Variants in AFG2A observed in about 807,000 individuals in gnomAD.
AFG2A encodes ATPase family gene 2 protein homolog A.
chr4:123,168,244 A>T, the AFG2A span, among the ~76,000 whole-genome samples: 123,477 of 151,974 alleles, frequency 0.81, 50,687 homozygotes, highest in Non-Finnish European at 0.86. Flanking sequence ...CTTCCTCCTG[A>T]CTGTGCCCTT....
the AFG2A span, among the ~76,000 whole-genome samples, chr4:123,058,098 T>C: frequency 6.6e-6 from 1 of 152,206 alleles, no homozygotes; most frequent in Non-Finnish European, 1.5e-5. Flanking sequence ...AGAGTATAAA[T>C]TGTCATTAGG....
the AFG2A span, among the ~76,000 whole-genome samples, chr4:123,177,220 G>A: frequency 1.6e-3 from 236 of 144,696 alleles, 4 homozygotes; most frequent in East Asian, 0.039. Context: ...TTGAGACGGA[G>A]TCTTACTCTG....
At chr4:123,040,226 G>A in the AFG2A span, among the ~76,000 whole-genome samples, 1 of 151,532 alleles carries the variant, frequency 6.6e-6, no homozygotes, top group African/African-American at 2.4e-5. Flanking sequence ...TGCTTAATTT[G>A]TATCAATCAA....
the AFG2A span, among the ~76,000 whole-genome samples, chr4:123,143,189 A>G: frequency 6.6e-6 from 1 of 151,092 alleles, no homozygotes. Flanking sequence ...CCAGAAAAAA[A>G]AAAGAAAGAT....
At chr4:123,278,335 A>T in the AFG2A span, among the ~76,000 whole-genome samples, 1 of 151,730 alleles carries the variant, frequency 6.6e-6, no homozygotes, top group Non-Finnish European at 1.5e-5. Flanking sequence ...AATTGTGTTT[A>T]TTTGGATCTT....
chr4:123,297,749 G>A, the AFG2A span, among the ~76,000 whole-genome samples: 1 of 151,828 alleles, frequency 6.6e-6, no homozygotes, highest in Non-Finnish European at 1.5e-5. Context: ...AAAGAAAATG[G>A]CAACTAGAAA....
At chr4:122,998,298 G>A in the AFG2A span, among the ~76,000 whole-genome samples, 2 of 151,718 alleles carry the variant, frequency 1.3e-5, no homozygotes, top group Non-Finnish European at 2.9e-5. Context: ...TTAGATCTTT[G>A]ATTCATTTTT....
chr4:123,292,267 C>A, the AFG2A span, among the ~76,000 whole-genome samples: 6 of 152,078 alleles, frequency 3.9e-5, no homozygotes, highest in Admixed American at 3.9e-4. Context: ...CATTCATATT[C>A]TAAATTGTTA....
the AFG2A span, among the ~76,000 whole-genome samples, chr4:123,150,187 T>C: frequency 6.6e-6 from 1 of 152,194 alleles, no homozygotes. Flanking sequence ...AGGCAAAAGC[T>C]GGAAGCATTC....
the AFG2A span, among the ~76,000 whole-genome samples, chr4:123,118,484 T>C: frequency 6.6e-6 from 1 of 151,244 alleles, no homozygotes; most frequent in Non-Finnish European, 1.5e-5. Flanking sequence ...TCTCAGTAAA[T>C]GGGCATTTTC....
At chr4:123,067,634 A>G in the AFG2A span, among the ~76,000 whole-genome samples, 1,771 of 152,312 alleles carry the variant, frequency 0.012, 14 homozygotes, top group Middle Eastern at 0.078. Flanking sequence ...AAAAATGAGT[A>G]TATAAGATGC....
chr4:122,939,464 C>A, the AFG2A span, among the ~76,000 whole-genome samples: 2 of 152,022 alleles, frequency 1.3e-5, no homozygotes, highest in Non-Finnish European at 2.9e-5. Context: ...TAGGCATGAA[C>A]AAAAATTTTC....
chr4:123,017,167 AGAGGGAGAG>A, the AFG2A span, among the ~76,000 whole-genome samples: 2 of 11,640 alleles, frequency 1.7e-4, no homozygotes, highest in South Asian at 5.9e-3. Context: ...AGGGAAGGGG[AGAGGGAGAG>A]GGGGGAGAGG....
the AFG2A span, among the ~76,000 whole-genome samples, chr4:123,093,264 G>A: frequency 2.0e-5 from 3 of 152,202 alleles, no homozygotes; most frequent in Non-Finnish European, 4.4e-5. Context: ...GAGTTGGCAA[G>A]GTGTGGGCTT....
the AFG2A span, among the ~76,000 whole-genome samples, chr4:123,086,158 A>G: frequency 6.6e-6 from 1 of 152,140 alleles, no homozygotes; most frequent in Non-Finnish European, 1.5e-5. Context: ...ATATAGATCA[A>G]AATTTCTGAC....
the AFG2A span, chr4:123,317,681 C>T: frequency 6.6e-6 from 1 of 152,072 alleles, no homozygotes; most frequent in East Asian, 1.9e-4. Flanking sequence ...GTAGTAAGAA[C>T]CCGGAAACAA....
the AFG2A span, among the ~76,000 whole-genome samples, chr4:122,950,886 G>A: frequency 6.6e-6 from 1 of 152,182 alleles, no homozygotes; most frequent in Non-Finnish European, 1.5e-5. Flanking sequence ...TCCTGTGCAC[G>A]GGTAAGACAT....
At chr4:123,021,573 A>C in the AFG2A span, among the ~76,000 whole-genome samples, 1 of 152,220 alleles carries the variant, frequency 6.6e-6, no homozygotes, top group Non-Finnish European at 1.5e-5. Context: ...CATTTTAGAG[A>C]ACTTCCATAA....
the AFG2A span, among the ~76,000 whole-genome samples, chr4:122,987,753 T>G: frequency 7.9e-5 from 12 of 152,208 alleles, no homozygotes; most frequent in Non-Finnish European, 1.6e-4. Flanking sequence ...TTTGCATCTT[T>G]TATATGTTGT....
Sources: gnomAD v4.1 joint callset for allele counts (sites outside exome capture counted in the v4.1 genomes callset) on GRCh38, gnomAD v4.1.1 for gene constraint, MANE v1.5 for transcripts, NCBI Gene and HGNC (gene_info 2026-07-23, HGNC 2026-07-21) for gene names.